The following MICAL3 variants were observed in gnomAD, a reference collection of about 807,000 sequenced individuals.
MICAL3 encodes the protein microtubule associated monooxygenase, calponin and LIM domain containing 3.
In MICAL3, 62 loss-of-function variants were observed where a neutral mutation model predicts 207.4. That is an observed-to-expected ratio of 0.30 (90% confidence interval 0.24 to 0.37). MICAL3 has a LOEUF of 0.37. MICAL3 is among the 10% of genes least tolerant of loss of function. The pLI is 1.00. For synonymous variants in MICAL3, 1,077 were observed against 1,069.3 expected, an observed-to-expected ratio of 1.01 and a Z score of -0.14; for missense variants, 2,368 against 2,635.6, an observed-to-expected ratio of 0.90 and a Z score of 2.22.
chr22:17,926,817 C>T (rs930374452), intron 1 of MICAL3, among the ~76,000 whole-genome samples: 18 of 152,206 alleles, frequency 1.2e-4, no homozygotes, highest in Admixed American at 7.2e-4. Context: ...TTATTCCTTC[C>T]TTTCTAACGT....
chr22:17,872,631 A>G, intron 16 of MICAL3: 1 of 691,138 alleles, frequency 1.4e-6, no homozygotes, highest in Non-Finnish European at 2.6e-6. Flanking sequence ...ACAACCTCAA[A>G]AGCAATTACC....
At chr22:17,791,387 G>T in intron 29 of MICAL3, 86 bp from the exon 30 acceptor site, 1 of 1,179,656 alleles carries the variant, frequency 8.5e-7, no homozygotes, top group Non-Finnish European at 1.2e-6. Context: ...TGTGCAAAGA[G>T]GGCCGAGCAA....
At position 17,884,757 on chromosome 22, in the gene MICAL3, G is replaced by C. The variant is rs149955050; in HGVS notation, c.2241+1121C>G. ...CAGCCTTCCCAAGGTAGGGGCACCT[G>C]GGGCTGCCAGAGCCTCCAGACAACC... On this transcript the variant is annotated intron_variant, in intron 16 of 31. Coordinates refer to ENST00000441493, the MANE Select transcript of MICAL3 (RefSeq NM_015241.3). Among the ~76,000 whole-genome samples the C allele has an allele frequency of 6.4e-4, 98 of 152,304 alleles. No homozygotes were observed. In the Middle Eastern group the frequency reaches 0.031, roughly 48 times the overall value.
intron 25 of MICAL3, among the ~76,000 whole-genome samples, chr22:17,820,760 CAA>C (rs927392019): frequency 1.7e-4 from 25 of 150,742 alleles, no homozygotes; most frequent in African/African-American, 5.3e-4. Context: ...TTAATTTAAA[CAA>C]ATTTATTTTT....
chr22:17,877,396 G>GGGAGGTTAGGGAAGTTATGGAGGTTAT, intron 16 of MICAL3, among the ~76,000 whole-genome samples: 1 of 37,418 alleles, frequency 2.7e-5, no homozygotes, highest in Non-Finnish European at 5.1e-5. Context: ...ATGGAGGTTA[G>GGGAGGTTAGGGAAGTTATGGAGGTTAT]GGAGGTTAGG....
chr22:17,807,986 G>T (rs563825251), intron 29 of MICAL3, among the ~76,000 whole-genome samples: 1 of 152,384 alleles, frequency 6.6e-6, no homozygotes, highest in South Asian at 2.1e-4. Context: ...ACTAGACGAA[G>T]ATTTGTGGAT....
intron 1 of MICAL3, among the ~76,000 whole-genome samples, chr22:17,963,898 A>T (rs1028335584): frequency 6.6e-6 from 1 of 152,182 alleles, no homozygotes; most frequent in African/African-American, 2.4e-5. Flanking sequence ...GGTCGTGGGG[A>T]CATATTTTAA....
At chr22:17,795,975 T>C (rs572750255) in intron 29 of MICAL3, among the ~76,000 whole-genome samples, 2 of 152,352 alleles carry the variant, frequency 1.3e-5, no homozygotes, top group South Asian at 4.1e-4. Context: ...TCACTGGTTC[T>C]AAGAACAAAG....
At chr22:17,996,134 TAAAAAAAAAAA>T (rs35369164) in intron 1 of MICAL3, among the ~76,000 whole-genome samples, 1 of 93,618 alleles carries the variant, frequency 1.1e-5, no homozygotes, top group Non-Finnish European at 2.1e-5. Flanking sequence ...TGTCTCAATT[TAAAAAAAAAAA>T]AAAAAAAAAA....
chr22:17,864,537 G>C, intron 19 of MICAL3: 2 of 1,440,786 alleles, frequency 1.4e-6, no homozygotes, highest in Non-Finnish European at 1.8e-6. Flanking sequence ...AGCAGTGTCT[G>C]AGCGCCTGCG....
rs1261923741 is a variant in MICAL3 at position 17,817,254 on chromosome 22, C to T, written c.5350+57G>A. The T allele has an allele frequency of 1.2e-5, 18 of 1,486,194 alleles. No individual in the cohort carries two copies. The Admixed American group carries it at 3.8e-4, about 31-fold the overall frequency. 92.1% of individuals were successfully genotyped at this position (1,486,194 alleles called of 1,614,324 possible). ...TGGATCCTGAGAGCCCCAGTGACCC[C>T]AGCCCCTCCCGCACCCCTCCCGCTC... is the stretch of plus-strand genomic sequence containing the variant. On this transcript the variant is annotated intron_variant, in intron 26 of 31. Transcript: ENST00000441493.
chr22:18,011,517 G>A (rs1488361766), intron 1 of MICAL3, among the ~76,000 whole-genome samples: 1 of 151,488 alleles, frequency 6.6e-6, no homozygotes, highest in Non-Finnish European at 1.5e-5. Context: ...GCAGTGAGCC[G>A]AGATCACGCC....
At chr22:17,957,652 G>A (rs1273651207) in intron 1 of MICAL3, among the ~76,000 whole-genome samples, 2 of 148,206 alleles carry the variant, frequency 1.3e-5, no homozygotes, top group African/African-American at 5.0e-5. Context: ...AGAGGTTGCA[G>A]TGAGCTGAGA....
chr22:17,809,869 G>A (rs1414661864), intron 28 of MICAL3, among the ~76,000 whole-genome samples: 3 of 151,958 alleles, frequency 2.0e-5, no homozygotes, highest in African/African-American at 7.3e-5. Context: ...GAAACTCAAT[G>A]CAGGGTTCTT....
intron 7 of MICAL3, among the ~76,000 whole-genome samples, chr22:17,897,299 G>A (rs1273293716): frequency 6.6e-6 from 1 of 151,466 alleles, no homozygotes; most frequent in Non-Finnish European, 1.5e-5. Flanking sequence ...GGTGTGTGCC[G>A]GTAACCCCAG....
intron 1 of MICAL3, among the ~76,000 whole-genome samples, chr22:17,992,030 CA>C (rs1921740554): frequency 6.6e-6 from 1 of 152,194 alleles, no homozygotes; most frequent in Non-Finnish European, 1.5e-5. Flanking sequence ...GGACTGCTCC[CA>C]CCCACCGTTG....
In MICAL3 at chr22:17,900,196, C is replaced by T. The variant is rs559201337; in HGVS notation, c.847+646G>A. Among the ~76,000 whole-genome samples the T allele has an allele frequency of 1.3e-5, 2 of 152,176 alleles. No individual in the cohort carries two copies. Among genetic ancestry groups the T allele is most frequent in the Non-Finnish European group, 2.9e-5 (2 of 68,044 alleles). ...GCCTAAAGTCAGCTTCCCAAGCAAACCAGGGAGCCACCGGCCAGCAGCTAC... is the reference window on the plus strand; with the variant it reads ...GCCTAAAGTCAGCTTCCCAAGCAAATCAGGGAGCCACCGGCCAGCAGCTAC... On this transcript the variant is annotated intron_variant, in intron 6 of 31. Coordinates refer to ENST00000441493, the MANE Select transcript of MICAL3 (RefSeq NM_015241.3). This position sits in a 1 kb window ranked among gnomAD's most constrained non-coding sequence, Gnocchi z 4.0.
chr22:17,809,265 TTC>T (rs2062018730), intron 28 of MICAL3, among the ~76,000 whole-genome samples: 1 of 152,230 alleles, frequency 6.6e-6, no homozygotes, highest in South Asian at 2.1e-4. Flanking sequence ...CCTCAGACTG[TTC>T]TCACGGCAAG....
intron 19 of MICAL3, among the ~76,000 whole-genome samples, chr22:17,854,442 C>T (rs1056095326): frequency 6.6e-6 from 1 of 152,206 alleles, no homozygotes; most frequent in Non-Finnish European, 1.5e-5. Context: ...GGTAAGCTCA[C>T]GACCCTTCAC....
Sources: gnomAD v4.1 joint callset for allele counts (sites outside exome capture counted in the v4.1 genomes callset) on GRCh38, gnomAD v4.1.1 for gene constraint, Gnocchi (gnomAD v3.1) non-coding constraint, MANE v1.5 for transcripts, NCBI Gene and HGNC (gene_info 2026-07-23, HGNC 2026-07-21) for gene names.